MARCHF1: variants seen among roughly 807,000 people sequenced by gnomAD.
MARCHF1 encodes membrane associated ring-CH-type finger 1.
Under a neutral mutation model 54.2 loss-of-function variants are expected in MARCHF1, and 40 were observed. That is an observed-to-expected ratio of 0.74 (90% CI 0.57 to 0.96). The LOEUF (loss-of-function observed/expected upper bound fraction) is 0.96. Ranked by LOEUF, MARCHF1 falls within the 40% of genes least tolerant of loss-of-function variation. MARCHF1 has a pLI of 0.00. For missense variants in MARCHF1, 586 were observed against 656.5 expected, an observed-to-expected ratio of 0.89 and a Z score of 1.17; for synonymous variants, 236 against 236.3, an observed-to-expected ratio of 1.00 and a Z score of 0.01.
intron 3 of MARCHF1, among the ~76,000 whole-genome samples, chr4:163,894,299 C>G (rs928115965): frequency 2.6e-5 from 4 of 151,906 alleles, no homozygotes; most frequent in African/African-American, 9.7e-5. Flanking sequence ...TTGCAGTGGT[C>G]TATTTACTTG....
chr4:164,162,853 T>C (rs1730276527), intron 1 of MARCHF1, among the ~76,000 whole-genome samples: 1 of 152,056 alleles, frequency 6.6e-6, no homozygotes, highest in African/African-American at 2.4e-5. Context: ...AGGACGTATA[T>C]GAAAACAAAT....
chr4:164,070,884 G>A (rs1754849264), intron 2 of MARCHF1, among the ~76,000 whole-genome samples: 1 of 152,128 alleles, frequency 6.6e-6, no homozygotes, highest in Non-Finnish European at 1.5e-5. Context: ...TTGTGGGAGG[G>A]ACCCTGGGAG....
chr4:164,315,117 C>T (rs1487292729), intron 1 of MARCHF1, among the ~76,000 whole-genome samples: 5 of 151,254 alleles, frequency 3.3e-5, no homozygotes, highest in Non-Finnish European at 7.4e-5. Context: ...GCATGAAGCA[C>T]CAAACTTGTT....
chr4:164,331,714 A>G (rs1735438736), intron 1 of MARCHF1, among the ~76,000 whole-genome samples: 1 of 152,216 alleles, frequency 6.6e-6, no homozygotes, highest in African/African-American at 2.4e-5. Context: ...CATATCTATA[A>G]TAATTCTCAA....
chr4:163,870,558 T>C (rs1287363833), intron 3 of MARCHF1, among the ~76,000 whole-genome samples: 1 of 152,160 alleles, frequency 6.6e-6, no homozygotes, highest in Non-Finnish European at 1.5e-5. Context: ...CACATTTACC[T>C]GACGTGATGG....
intron 1 of MARCHF1, among the ~76,000 whole-genome samples, chr4:164,274,523 G>A (rs1733821915): frequency 6.6e-6 from 1 of 151,990 alleles, no homozygotes; most frequent in South Asian, 2.1e-4. Flanking sequence ...TTAGATGTGA[G>A]ATCATTTCCA....
intron 8 of MARCHF1, among the ~76,000 whole-genome samples, chr4:163,549,836 TAAATC>T (rs1442444399): frequency 6.6e-6 from 1 of 152,224 alleles, no homozygotes; most frequent in East Asian, 1.9e-4. Flanking sequence ...TTGATGAAGT[TAAATC>T]AAACTTTGCA....
chr4:164,007,646 C>CTCTCTGTGTG (rs1484621420), intron 2 of MARCHF1, among the ~76,000 whole-genome samples: 3 of 140,014 alleles, frequency 2.1e-5, no homozygotes, highest in Admixed American at 7.1e-5. Flanking sequence ...CTCTCTCTCT[C>CTCTCTGTGTG]TGTGTGTGTG....
At chr4:163,683,276 T>G (rs13122389) in intron 5 of MARCHF1, among the ~76,000 whole-genome samples, 24,882 of 152,146 alleles carry the variant, frequency 0.16, 2,520 homozygotes, top group East Asian at 0.51. Flanking sequence ...CACATGGTGG[T>G]CGACAAGAGA....
intron 1 of MARCHF1, among the ~76,000 whole-genome samples, chr4:164,276,318 C>T (rs898175322): frequency 3.3e-5 from 5 of 152,060 alleles, no homozygotes; most frequent in Admixed American, 2.0e-4. Flanking sequence ...TTATATTTTT[C>T]GTCTTATTCT....
chr4:163,524,362 T>C (rs1227415393), downstream of MARCHF1: 1 of 152,198 alleles, frequency 6.6e-6, no homozygotes, highest in Non-Finnish European at 1.5e-5. Flanking sequence ...TTTTAATGTT[T>C]ATTATCCATG....
intron 7 of MARCHF1, among the ~76,000 whole-genome samples, chr4:163,609,669 TAC>T (rs1422774833): frequency 2.6e-5 from 4 of 151,044 alleles, no homozygotes; most frequent in Non-Finnish European, 5.9e-5. Context: ...TATATTTATA[TAC>T]ACACACATAT....
At chr4:164,207,792 G>A (rs968427059) in intron 1 of MARCHF1, among the ~76,000 whole-genome samples, 2 of 152,058 alleles carry the variant, frequency 1.3e-5, no homozygotes, top group African/African-American at 4.8e-5. Context: ...ACGGAGAGGG[G>A]GATCAACACA....
intron 1 of MARCHF1, among the ~76,000 whole-genome samples, chr4:164,368,691 A>G (rs1421805536): frequency 6.6e-6 from 1 of 152,218 alleles, no homozygotes. Context: ...GTATTATTAG[A>G]AATTCACCAT....
At chr4:163,797,286 A>G (rs77845133) in intron 4 of MARCHF1, among the ~76,000 whole-genome samples, 1 of 151,212 alleles carries the variant, frequency 6.6e-6, no homozygotes, top group South Asian at 2.1e-4. Flanking sequence ...ACTTTTAAAG[A>G]TTTTTTTGTC....
intron 1 of MARCHF1, among the ~76,000 whole-genome samples, chr4:164,374,611 T>A (rs943744158): frequency 3.3e-5 from 5 of 152,160 alleles, no homozygotes; most frequent in Admixed American, 3.3e-4. Context: ...ACCATGAATG[T>A]CATAAGGAAC....
At chr4:164,277,488 C>T (rs1733917451) in intron 1 of MARCHF1, among the ~76,000 whole-genome samples, 1 of 152,134 alleles carries the variant, frequency 6.6e-6, no homozygotes, top group African/African-American at 2.4e-5. Context: ...CACATTATAC[C>T]TTTCTTCAGT....
At chr4:164,057,962 G>A (rs867551650) in intron 2 of MARCHF1, among the ~76,000 whole-genome samples, 2 of 152,220 alleles carry the variant, frequency 1.3e-5, no homozygotes, top group Middle Eastern at 3.4e-3. Flanking sequence ...ATGAGTTAAT[G>A]TCCTTTATGG....
chr4:163,527,527 T>TTTATC lies in MARCHF1; in HGVS notation c.*1216_*1220dup, dbSNP rs1738159404. 6.6e-6 allele frequency: 1 copy of TTTATC among 152,078 alleles called. No homozygotes were observed. Among genetic ancestry groups the TTTATC allele is most frequent in the African/African-American group, 2.4e-5 (1 of 41,458 alleles). The allele number at this position is 152,078 out of a possible 1,614,324, so 9.4% of individuals were successfully genotyped here. A position where few individuals can be genotyped will look rare whatever the true frequency, so the allele number is the denominator to read the frequency against. On this transcript the variant is annotated 3_prime_UTR_variant, in exon 10 of 10. Transcript: ENST00000514618. ...ACTCTGCTATAGGCAGATTGATTGT[T>TTTATC]TTATCTTTCTATACTTTTGGATTTT...
Sources: gnomAD v4.1 joint callset for allele counts (sites outside exome capture counted in the v4.1 genomes callset) on GRCh38, gnomAD v4.1.1 for gene constraint, MANE v1.5 for transcripts, NCBI Gene and HGNC (gene_info 2026-07-23, HGNC 2026-07-21) for gene names.